Variants in BBS4 observed in about 807,000 individuals in gnomAD.
The protein encoded by BBS4 is BBSome complex member BBS4.
In BBS4, 58 loss-of-function variants were observed where a neutral mutation model predicts 71.4. That is an observed-to-expected ratio of 0.81 (90% CI 0.66 to 1.01). The LOEUF (loss-of-function observed/expected upper bound fraction) is 1.01, where lower values mean the gene tolerates loss of function less well. BBS4 is among the 50% of genes least tolerant of loss of function. BBS4 has a pLI of 0.00. For synonymous variants in BBS4, 228 were observed against 216.8 expected (o/e 1.05, Z -0.46); for missense variants, 660 against 607.9 (o/e 1.09, Z -0.90).
intron 5 of BBS4, 129 bp from the exon 6 acceptor site, chr15:72,716,649 A>G (rs2065472637): frequency 2.7e-6 from 2 of 741,542 alleles, no homozygotes; most frequent in Non-Finnish European, 4.6e-6. Context: ...CCAAACCAGC[A>G]CAACCACCTC....
At chr15:72,688,982 CCTTT>C (rs1431807165) in intron 1 of BBS4, among the ~76,000 whole-genome samples, 1 of 152,014 alleles carries the variant, frequency 6.6e-6, no homozygotes, top group Non-Finnish European at 1.5e-5. Context: ...AAGCTGTTCT[CCTTT>C]CTTTCTTCTG....
chr15:72,715,269 T>G (rs749540841), intron 4 of BBS4, 22 bp from the exon 5 acceptor site: 6 of 1,572,354 alleles, frequency 3.8e-6, no homozygotes, highest in Non-Finnish European at 5.2e-6. Context: ...TACTTTTTTT[T>G]GTATTTTCTG....
chr15:72,708,035 C>T (rs1293057581), intron 2 of BBS4, among the ~76,000 whole-genome samples: 3 of 151,250 alleles, frequency 2.0e-5, no homozygotes, highest in African/African-American at 7.3e-5. Context: ...GGCGCGATCT[C>T]GGCTCACTGT....
chr15:72,735,969 ATG>A lies in BBS4; in HGVS notation c.1248+5_1248+6del. 1 of 1,614,090 alleles carries A rather than the reference ATG, an allele frequency of 6.2e-7. No individual in the cohort carries two copies. The highest frequency in any genetic ancestry group is 2.2e-5 in the East Asian group (1 of 44,862). On this transcript the variant is annotated splice_donor_5th_base_variant and intron_variant, in intron 14 of 15. Transcript: ENST00000268057. ...GCTCTCTGGAATTTGACTCTGAGGT[ATG>A]TCTTTTATTAGCTCCCAAGAGTCAT...
chr15:72,688,364 A>G (rs2064913139), intron 1 of BBS4, among the ~76,000 whole-genome samples: 1 of 147,060 alleles, frequency 6.8e-6, no homozygotes, highest in Non-Finnish European at 1.5e-5. Context: ...CAAGTTACCA[A>G]TGCATGGAAA....
chr15:72,693,493 T>G (rs1324302213), intron 1 of BBS4, among the ~76,000 whole-genome samples: 5 of 152,208 alleles, frequency 3.3e-5, no homozygotes, highest in Admixed American at 3.3e-4. Context: ...GTGGGCTTTG[T>G]GGGCCATAGA....
chr15:72,694,192 C>G (rs1396524918), intron 1 of BBS4, among the ~76,000 whole-genome samples: 5 of 51,348 alleles, frequency 9.7e-5, no homozygotes, highest in Non-Finnish European at 1.2e-4. Context: ...GCCTTTCTTT[C>G]CTTTTTTTTT....
intron 2 of BBS4, among the ~76,000 whole-genome samples, chr15:72,700,958 A>C (rs1027832372): frequency 4.2e-4 from 64 of 152,156 alleles, no homozygotes; most frequent in African/African-American, 1.5e-3. Context: ...GTAATTTTTG[A>C]TATCTTTCTA....
chr15:72,711,647 C>A (rs1450229963), intron 3 of BBS4, among the ~76,000 whole-genome samples: 1 of 152,036 alleles, frequency 6.6e-6, no homozygotes, highest in African/African-American at 2.4e-5. Context: ...TTTTTTATAA[C>A]CCTTTAGAAA....
At chr15:72,735,211 C>G (rs369790800) in intron 13 of BBS4, 29 bp downstream of exon 13, 4 of 1,580,014 alleles carry the variant, frequency 2.5e-6, no homozygotes, top group Admixed American at 3.4e-5. Context: ...ATGGTACTGG[C>G]GGGGGTTGGA....
intron 5 of BBS4, among the ~76,000 whole-genome samples, chr15:72,716,239 T>A (rs965005399): frequency 6.6e-6 from 1 of 152,228 alleles, no homozygotes; most frequent in Non-Finnish European, 1.5e-5. Flanking sequence ...CAAGTGTTTA[T>A]AAACTACTAG....
At chr15:72,727,393 CAGT>C (rs2065723261) in intron 8 of BBS4, among the ~76,000 whole-genome samples, 1 of 152,150 alleles carries the variant, frequency 6.6e-6, no homozygotes, top group African/African-American at 2.4e-5. Context: ...TCCCAAAGGT[CAGT>C]AGCACCTTCT....
rs757006211 is a variant in BBS4 at position 72,724,552 on chromosome 15, C to A, written c.484C>A (p.Leu162Met). 8 of 1,614,028 alleles carry A rather than the reference C, an allele frequency of 5.0e-6. No individual in the cohort carries two copies. In the South Asian group the frequency reaches 8.8e-5, roughly 18 times the overall value. Reference sequence around the variant, plus strand: ...GGCACAAGACCAGTTGCACAATGCCCTGAATCTTAATAGGCACGATCTGAC... The same window carrying A: ...GGCACAAGACCAGTTGCACAATGCCATGAATCTTAATAGGCACGATCTGAC... Reference protein sequence around the residue: ...NKAQDQLHNALNLNRHDLTYI... With the variant: ...NKAQDQLHNAMNLNRHDLTYI... Residue 162 changes from leucine to methionine, a missense_variant, in exon 8 of 16, where the codon CTG becomes ATG. Leu to Met is a conservative substitution (Grantham distance 15, BLOSUM62 2). Coordinates refer to ENST00000268057, the MANE Select transcript of BBS4 (RefSeq NM_033028.5).
At position 72,713,020 on chromosome 15, in the gene BBS4, CT is replaced by C. The variant is rs879762255; in HGVS notation, c.220+725del. On this transcript the variant is annotated intron_variant, in intron 4 of 15. Transcript: ENST00000268057. ...TCTATAAGCTTTTTTCTTTTTCTTT[CT>C]TTTTTTTTTTTGGTAGAGAGACAGA... Among the ~76,000 whole-genome samples the C allele has an allele frequency of 2.7e-3, 382 of 141,236 alleles. 1 individual carries two copies. Among genetic ancestry groups the C allele is most frequent in the African/African-American group, 4.5e-3 (175 of 38,788 alleles). The allele number at this position is 141,236 out of a possible 152,430, so 92.7% of individuals were successfully genotyped here. A position where few individuals can be genotyped will look rare whatever the true frequency, so the allele number is the denominator to read the frequency against.
rs777707110 is a variant in BBS4 at position 72,736,970 on chromosome 15, C to T, written c.1450+7C>T. The T allele has an allele frequency of 1.9e-6, 3 of 1,613,798 alleles. No homozygotes were observed. Among genetic ancestry groups the T allele is most frequent in the Middle Eastern group, 1.7e-4 (1 of 6,048 alleles). ...TACAGGACGCTCCCCTCAGGTAGGA[C>T]CATACAGAGCTCCATGAAGACCTGG... is the stretch of plus-strand genomic sequence containing the variant. On this transcript the variant is annotated splice_region_variant and intron_variant, in intron 15 of 15. Coordinates refer to ENST00000268057, the MANE Select transcript of BBS4 (RefSeq NM_033028.5).
chr15:72,737,068 C>G, intron 15 of BBS4, 105 bp downstream of exon 15: 1 of 1,358,420 alleles, frequency 7.4e-7, no homozygotes, highest in East Asian at 2.3e-5. Flanking sequence ...CTCATATGTC[C>G]AACGTAGTAT....
chr15:72,714,878 T>C (rs1056816656), intron 4 of BBS4, among the ~76,000 whole-genome samples: 5 of 152,182 alleles, frequency 3.3e-5, no homozygotes, highest in African/African-American at 7.2e-5. Flanking sequence ...CATGTTGAAT[T>C]TGAGGTATTG....
intron 2 of BBS4, among the ~76,000 whole-genome samples, chr15:72,701,578 C>T (rs371613424): frequency 2.7e-5 from 4 of 149,866 alleles, no homozygotes; most frequent in African/African-American, 4.9e-5. Flanking sequence ...GGTGTACAAA[C>T]GCACACACAC....
At chr15:72,719,447 A>T (rs1159754811) in intron 6 of BBS4, among the ~76,000 whole-genome samples, 1 of 151,414 alleles carries the variant, frequency 6.6e-6, no homozygotes, top group East Asian at 2.0e-4. Flanking sequence ...ATGAGGTCTC[A>T]TGTTACCCAG....
Sources: allele counts gnomAD v4.1 joint callset (sites outside exome capture counted in the v4.1 genomes callset), GRCh38; gene constraint gnomAD v4.1.1; transcripts MANE v1.5; gene names NCBI Gene and HGNC (gene_info 2026-07-23, HGNC 2026-07-21).